CXCL13: variants seen among roughly 807,000 people sequenced by gnomAD.
The protein encoded by CXCL13 is C-X-C motif chemokine 13.
In CXCL13, 7 loss-of-function variants were observed where a neutral mutation model predicts 12.2. The ratio of observed to expected loss-of-function variants is 0.57; its 90% CI spans 0.33 to 1.07. CXCL13 has a LOEUF of 1.07. CXCL13 is among the 50% of genes least tolerant of loss of function. The pLI, the probability that CXCL13 is intolerant of heterozygous loss-of-function variation, is 0.04. For synonymous variants in CXCL13, 47 were observed against 42.4 expected (o/e 1.11, Z -0.42); for missense variants, 113 against 127.4 (o/e 0.89, Z 0.55).
intron 1 of CXCL13, among the ~76,000 whole-genome samples, chr4:77,512,175 G>A (rs1329014636): frequency 6.6e-6 from 1 of 152,186 alleles, no homozygotes; most frequent in South Asian, 2.1e-4. Flanking sequence ...AAACTAATTA[G>A]CCTGCTTGCT....
At chr4:77,576,022 G>A (rs1036684470) in intron 1 of CXCL13, among the ~76,000 whole-genome samples, 1 of 151,624 alleles carries the variant, frequency 6.6e-6, no homozygotes, top group Non-Finnish European at 1.5e-5. Context: ...TGGACATTTT[G>A]CTACTCACAG....
intron 1 of CXCL13, among the ~76,000 whole-genome samples, chr4:77,593,890 CAG>C (rs962144627): frequency 1.5e-4 from 23 of 152,104 alleles, no homozygotes; most frequent in Non-Finnish European, 3.1e-4. Flanking sequence ...AGTGAAAAGA[CAG>C]GGGTATTTCT....
At chr4:77,602,680 A>T (rs1726906120), upstream of CXCL13, among the ~76,000 whole-genome samples, 1 of 152,188 alleles carries the variant, frequency 6.6e-6, no homozygotes, top group African/African-American at 2.4e-5. Context: ...CATTTTATGT[A>T]TCTGATGATA....
At chr4:77,550,130 G>C (rs1333540783) in intron 1 of CXCL13, among the ~76,000 whole-genome samples, 3 of 152,216 alleles carry the variant, frequency 2.0e-5, no homozygotes, top group African/African-American at 7.2e-5. Flanking sequence ...GGCTCTGTTG[G>C]CATGGGATCT....
At chr4:77,604,989 A>T (rs1193232241), upstream of CXCL13, among the ~76,000 whole-genome samples, 1 of 152,076 alleles carries the variant, frequency 6.6e-6, no homozygotes, top group Non-Finnish European at 1.5e-5. Flanking sequence ...CTGTGGGCTG[A>T]TTGTCCCCAT....
intron 1 of CXCL13, among the ~76,000 whole-genome samples, chr4:77,541,057 T>C (rs1281793960): frequency 2.0e-5 from 3 of 152,214 alleles, no homozygotes; most frequent in Non-Finnish European, 4.4e-5. Flanking sequence ...TGTTGTCTTT[T>C]GAGAAGTGTC....
intron 1 of CXCL13, among the ~76,000 whole-genome samples, chr4:77,587,384 G>A (rs1171524729): frequency 2.0e-5 from 3 of 152,266 alleles, no homozygotes; most frequent in South Asian, 2.1e-4. Context: ...TAAGGAATAC[G>A]AAGCTGTAAG....
At chr4:77,603,276 T>G (rs965490077), upstream of CXCL13, among the ~76,000 whole-genome samples, 1 of 152,162 alleles carries the variant, frequency 6.6e-6, no homozygotes, top group Non-Finnish European at 1.5e-5. Context: ...CTGTAAGAAA[T>G]TGACCATTCA....
chr4:77,530,532 A>T (rs1339805427), intron 1 of CXCL13, among the ~76,000 whole-genome samples: 1 of 152,104 alleles, frequency 6.6e-6, no homozygotes, highest in Non-Finnish European at 1.5e-5. Flanking sequence ...GAATTTATCC[A>T]TTTCGTCTAG....
At chr4:77,513,585 G>T (rs1378272816) in intron 1 of CXCL13, among the ~76,000 whole-genome samples, 1 of 151,964 alleles carries the variant, frequency 6.6e-6, no homozygotes, top group African/African-American at 2.4e-5. Flanking sequence ...CTGAGTAGCT[G>T]GGACTACAGG....
At chr4:77,584,252 A>C (rs1726401231) in intron 1 of CXCL13, among the ~76,000 whole-genome samples, 1 of 152,208 alleles carries the variant, frequency 6.6e-6, no homozygotes, top group Non-Finnish European at 1.5e-5. Context: ...ACTGATGAGC[A>C]CGCACCTTCC....
intron 1 of CXCL13, among the ~76,000 whole-genome samples, chr4:77,523,364 G>A (rs1017009921): frequency 8.5e-5 from 13 of 152,094 alleles, no homozygotes; most frequent in Admixed American, 8.5e-4. Context: ...TGTAGATTTG[G>A]TCTTTTCATA....
chr4:77,605,347 G>A (rs1246598837), upstream of CXCL13, among the ~76,000 whole-genome samples: 1 of 152,190 alleles, frequency 6.6e-6, no homozygotes, highest in African/African-American at 2.4e-5. Flanking sequence ...TGTATATAAA[G>A]AGACATTCAT....
chr4:77,585,827 T>G (rs947252360), intron 1 of CXCL13, among the ~76,000 whole-genome samples: 1 of 152,178 alleles, frequency 6.6e-6, no homozygotes, highest in Non-Finnish European at 1.5e-5. Context: ...TCTGCTTCCA[T>G]AGGGCACGCG....
At chr4:77,517,222 T>C (rs1724445637) in intron 1 of CXCL13, among the ~76,000 whole-genome samples, 1 of 152,190 alleles carries the variant, frequency 6.6e-6, no homozygotes, top group Non-Finnish European at 1.5e-5. Flanking sequence ...GAGCTTTACT[T>C]CCAACTATGT....
chr4:77,576,815 T>C (rs369002838), intron 1 of CXCL13, among the ~76,000 whole-genome samples: 77 of 152,342 alleles, frequency 5.1e-4, no homozygotes, highest in African/African-American at 1.7e-3. Context: ...GTATAAGACT[T>C]ATAAGCCTAA....
intron 1 of CXCL13, among the ~76,000 whole-genome samples, chr4:77,597,208 A>G (rs1380092951): frequency 9.2e-5 from 14 of 152,240 alleles, no homozygotes; most frequent in African/African-American, 3.1e-4. Flanking sequence ...AACATTTTTA[A>G]TTGATTCAGA....
intron 1 of CXCL13, among the ~76,000 whole-genome samples, chr4:77,539,369 C>A (rs560931887): frequency 6.6e-6 from 1 of 152,302 alleles, no homozygotes; most frequent in Admixed American, 6.5e-5. Flanking sequence ...TCAAGTGATC[C>A]GCCCATCTTG....
intron 1 of CXCL13, among the ~76,000 whole-genome samples, chr4:77,530,566 G>C (rs1724886407): frequency 6.6e-6 from 1 of 152,148 alleles, no homozygotes; most frequent in Non-Finnish European, 1.5e-5. Context: ...TTTCATAGAG[G>C]TGTTTATAGT....
Sources: allele counts gnomAD v4.1 joint callset (sites outside exome capture counted in the v4.1 genomes callset), GRCh38; gene constraint gnomAD v4.1.1; transcripts MANE v1.5; gene names NCBI Gene and HGNC (gene_info 2026-07-23, HGNC 2026-07-21).